The following PDGFD variants were observed in gnomAD, a reference collection of about 807,000 sequenced individuals.
PDGFD encodes the protein platelet derived growth factor D.
Under a neutral mutation model 44.7 loss-of-function variants are expected in PDGFD, and 30 were observed. The observed-to-expected ratio is 0.67, with a 90% confidence interval of 0.50 to 0.91. The LOEUF is 0.91. PDGFD is among the 40% of genes least tolerant of loss of function. PDGFD has a pLI of 0.00. For synonymous variants in PDGFD, 173 were observed against 168.4 expected (o/e 1.03, Z -0.21); for missense variants, 445 against 457.8 (o/e 0.97, Z 0.25).
intron 1 of PDGFD, among the ~76,000 whole-genome samples, chr11:104,135,667 G>A (rs147777791): frequency 5.3e-5 from 8 of 152,208 alleles, no homozygotes; most frequent in Non-Finnish European, 8.8e-5. Context: ...GGAGGATGGT[G>A]GATTAGAGGA....
At chr11:103,996,878 A>G (rs1859540719) in intron 2 of PDGFD, among the ~76,000 whole-genome samples, 1 of 152,206 alleles carries the variant, frequency 6.6e-6, no homozygotes, top group Non-Finnish European at 1.5e-5. Context: ...GAAAAATCTG[A>G]GCTGGTTAAA....
chr11:103,942,470 C>A (rs1858599565), intron 5 of PDGFD, among the ~76,000 whole-genome samples: 1 of 152,012 alleles, frequency 6.6e-6, no homozygotes, highest in South Asian at 2.1e-4. Flanking sequence ...ATTGTTTTAA[C>A]TCATGATGTT....
chr11:103,938,276 G>C (rs1035408714), intron 5 of PDGFD, among the ~76,000 whole-genome samples: 4 of 152,098 alleles, frequency 2.6e-5, no homozygotes, highest in African/African-American at 9.7e-5. Context: ...TCTCATTGTG[G>C]TTTTGATTTG....
chr11:104,006,220 A>G (rs1859699683), intron 1 of PDGFD, among the ~76,000 whole-genome samples: 1 of 152,152 alleles, frequency 6.6e-6, no homozygotes, highest in Non-Finnish European at 1.5e-5. Flanking sequence ...CTCAGGTCCT[A>G]CTCCAGACCT....
At chr11:103,951,258 C>T (rs745981802) in intron 3 of PDGFD, among the ~76,000 whole-genome samples, 9 of 151,984 alleles carry the variant, frequency 5.9e-5, no homozygotes, top group Admixed American at 2.0e-4. Context: ...AATAAAACAC[C>T]GAACCTCCAA....
At chr11:104,094,337 C>T (rs1861252639) in intron 1 of PDGFD, among the ~76,000 whole-genome samples, 1 of 152,050 alleles carries the variant, frequency 6.6e-6, no homozygotes, top group South Asian at 2.1e-4. Flanking sequence ...TGCCCCCAAC[C>T]CCACCTCTTC....
At chr11:104,085,022 A>T (rs1421161280) in intron 1 of PDGFD, among the ~76,000 whole-genome samples, 1 of 150,520 alleles carries the variant, frequency 6.6e-6, no homozygotes, top group Non-Finnish European at 1.5e-5. Context: ...ATCTTACATA[A>T]CCATAGTATA....
At chr11:103,930,649 C>A (rs1235430198) in intron 5 of PDGFD, among the ~76,000 whole-genome samples, 1 of 151,910 alleles carries the variant, frequency 6.6e-6, no homozygotes, top group Non-Finnish European at 1.5e-5. Context: ...ACATTATGAG[C>A]CCAGTGTAAA....
intron 1 of PDGFD, among the ~76,000 whole-genome samples, chr11:104,119,535 T>TACATA (rs1555055571): frequency 5.5e-5 from 3 of 54,272 alleles, no homozygotes; most frequent in Non-Finnish European, 8.9e-5. Flanking sequence ...ATTGATATAA[T>TACATA]ATATAATATA....
rs1037156556 is a variant in PDGFD at position 104,054,899 on chromosome 11, C to T, written c.125-54644G>A. Among the ~76,000 whole-genome samples the T allele has an allele frequency of 2.0e-5, 3 of 152,144 alleles. No individual in the cohort carries two copies. The South Asian group carries it at 6.2e-4, about 31-fold the overall frequency. On this transcript the variant is annotated intron_variant, in intron 1 of 6. Coordinates refer to ENST00000393158, the MANE Select transcript of PDGFD (RefSeq NM_025208.5). ...ACCAAGCACAGGTGGAGGGAACCAG[C>T]CTCAGGCGGAGCAATTACCTTAACC... is the stretch of plus-strand genomic sequence containing the variant.
chr11:104,084,803 T>TTATAAGTATTATAAAATA (rs1177680449), intron 1 of PDGFD, among the ~76,000 whole-genome samples: 4 of 146,268 alleles, frequency 2.7e-5, no homozygotes, highest in Non-Finnish European at 4.5e-5. Context: ...AATATATATT[T>TTATAAGTATTATAAAATA]TATAAGTATT....
At chr11:104,100,914 A>C (rs1861367800) in intron 1 of PDGFD, among the ~76,000 whole-genome samples, 1 of 152,200 alleles carries the variant, frequency 6.6e-6, no homozygotes, top group Admixed American at 6.5e-5. Flanking sequence ...CTTCATGCTA[A>C]AAACTCTCAA....
intron 1 of PDGFD, among the ~76,000 whole-genome samples, chr11:104,039,369 G>C (rs778736491): frequency 2.6e-5 from 4 of 151,486 alleles, no homozygotes; most frequent in African/African-American, 9.7e-5. Flanking sequence ...CTATTTTCCC[G>C]ACAAGATATA....
At chr11:104,094,586 A>T (rs1861256367) in intron 1 of PDGFD, among the ~76,000 whole-genome samples, 2 of 152,130 alleles carry the variant, frequency 1.3e-5, no homozygotes, top group Non-Finnish European at 2.9e-5. Context: ...GACAAAAAAA[A>T]TTAGTGCTCA....
Position 103,926,952 on chromosome 11 carries a change from C to CAGGA in PDGFD, c.943_946dup (p.Cys316PhefsTer15). ...CACGGTTTTCCCTGAATTGCATGTG[C>CAGGA]AGGACCTCCAGTTGACAGTTCCACA... On this transcript the variant is annotated frameshift_variant, in exon 6 of 7. Coordinates refer to ENST00000393158, the MANE Select transcript of PDGFD (RefSeq NM_025208.5). LOFTEE classifies it high-confidence loss of function. The CAGGA allele has an allele frequency of 6.2e-7, 1 of 1,614,172 alleles. No homozygotes were observed.
At chr11:103,949,448 T>C (rs1247656069) in intron 3 of PDGFD, among the ~76,000 whole-genome samples, 1 of 152,238 alleles carries the variant, frequency 6.6e-6, no homozygotes, top group Non-Finnish European at 1.5e-5. Flanking sequence ...CTGGCATTTA[T>C]ATGAGTCTTC....
chr11:104,066,245 A>T (rs1860790542), intron 1 of PDGFD, among the ~76,000 whole-genome samples: 1 of 152,134 alleles, frequency 6.6e-6, no homozygotes, highest in African/African-American at 2.4e-5. Flanking sequence ...ACCAAAAATT[A>T]TTATTCTGGG....
intron 1 of PDGFD, among the ~76,000 whole-genome samples, chr11:104,118,917 C>A (rs375971822): frequency 9.3e-5 from 7 of 75,262 alleles, no homozygotes; most frequent in East Asian, 3.8e-4. Context: ...ATATTATATA[C>A]ATAATATATT....
At chr11:104,161,655 C>T (rs777354098) in intron 1 of PDGFD, among the ~76,000 whole-genome samples, 3 of 152,158 alleles carry the variant, frequency 2.0e-5, no homozygotes, top group Non-Finnish European at 4.4e-5. Context: ...TTTATATCTG[C>T]TAGCCCTTTG....
Sources: gnomAD v4.1 joint callset for allele counts (sites outside exome capture counted in the v4.1 genomes callset) on GRCh38, gnomAD v4.1.1 for gene constraint, MANE v1.5 for transcripts, NCBI Gene and HGNC (gene_info 2026-07-23, HGNC 2026-07-21) for gene names.